The following EXOC4 variants were observed in gnomAD, a reference collection of about 807,000 sequenced individuals.
EXOC4 encodes SEC8-like 1.
A neutral mutation model predicts 107.2 loss-of-function variants in EXOC4; 71 were observed. That is an observed-to-expected ratio of 0.66 (90% CI 0.55 to 0.81). EXOC4 has a LOEUF of 0.81. Ranked by LOEUF, EXOC4 falls within the 30% of genes least tolerant of loss-of-function variation. The probability of loss-of-function intolerance (pLI) is 0.00; values close to 1 mark genes in which losing one functional copy is unlikely to be tolerated. For missense variants in EXOC4, 1,108 were observed against 1,189.6 expected (o/e 0.93, Z 1.01); for synonymous variants, 456 against 441.2 (o/e 1.03, Z -0.42).
chr7:133,762,271 A>G (rs1796047964), intron 10 of EXOC4, among the ~76,000 whole-genome samples: 1 of 152,192 alleles, frequency 6.6e-6, no homozygotes, highest in South Asian at 2.1e-4. Context: ...CAACTATATT[A>G]TATCTACAAA....
intron 10 of EXOC4, among the ~76,000 whole-genome samples, chr7:133,674,200 T>C (rs889446086): frequency 2.0e-5 from 3 of 152,138 alleles, no homozygotes; most frequent in Non-Finnish European, 4.4e-5. Flanking sequence ...TCAAAAGCTA[T>C]ACCAAAAGCA....
At chr7:133,461,294 C>A (rs984986039) in intron 7 of EXOC4, among the ~76,000 whole-genome samples, 1 of 152,146 alleles carries the variant, frequency 6.6e-6, no homozygotes, top group Non-Finnish European at 1.5e-5. Flanking sequence ...TGCTTCCAAA[C>A]CCCCTTATCT....
intron 5 of EXOC4, among the ~76,000 whole-genome samples, chr7:133,349,449 T>C (rs1007329771): frequency 7.9e-5 from 12 of 152,218 alleles, no homozygotes; most frequent in Admixed American, 6.5e-4. Flanking sequence ...TTTAGCATAA[T>C]GTACTCAAGG....
At chr7:133,486,273 T>C (rs1390910776) in intron 9 of EXOC4, among the ~76,000 whole-genome samples, 1 of 152,164 alleles carries the variant, frequency 6.6e-6, no homozygotes, top group Non-Finnish European at 1.5e-5. Flanking sequence ...GGGGGTGTCT[T>C]GCCTTAAGAA....
At chr7:133,514,210 G>C (rs530745640) in intron 9 of EXOC4, among the ~76,000 whole-genome samples, 8 of 151,826 alleles carry the variant, frequency 5.3e-5, no homozygotes, top group African/African-American at 1.7e-4. Context: ...TGTCGCCCAG[G>C]CTGGAGTGCA....
intron 9 of EXOC4, among the ~76,000 whole-genome samples, chr7:133,484,397 C>T (rs1487789160): frequency 2.0e-5 from 3 of 152,016 alleles, no homozygotes; most frequent in African/African-American, 2.4e-5. Flanking sequence ...TAGTCTCTGC[C>T]GCTTCATTGT....
At chr7:134,054,483 C>G (rs1190399467) in intron 17 of EXOC4, among the ~76,000 whole-genome samples, 1 of 152,060 alleles carries the variant, frequency 6.6e-6, no homozygotes, top group African/African-American at 2.4e-5. Context: ...GTGATTTTTC[C>G]TTTCTTGTTG....
chr7:133,535,444 T>C (rs1035216673), intron 9 of EXOC4, among the ~76,000 whole-genome samples: 8 of 152,148 alleles, frequency 5.3e-5, no homozygotes, highest in Admixed American at 5.2e-4. Context: ...AAGTTTACAA[T>C]CCTATCTGAA....
At chr7:133,525,941 T>G (rs1217823327) in intron 9 of EXOC4, among the ~76,000 whole-genome samples, 2 of 152,158 alleles carry the variant, frequency 1.3e-5, no homozygotes. Flanking sequence ...TTAAGAAGTA[T>G]TTTTCTAATG....
chr7:134,023,904 A>T (rs1208275626), intron 17 of EXOC4, among the ~76,000 whole-genome samples: 5 of 152,174 alleles, frequency 3.3e-5, no homozygotes, highest in African/African-American at 1.2e-4. Context: ...GGATTTTAGC[A>T]CAGTCCCTAA....
rs913685597 is a variant in EXOC4, at chr7:133,404,532, C to T, written c.1182+29530C>T. On this transcript the variant is annotated intron_variant, in intron 7 of 17. Transcript: ENST00000253861. ...TGGTGGGGTCCTTTCTTTCTTGCCT[C>T]CAATCTTTTGCACATATTGTACCCT... Among the ~76,000 whole-genome samples, 7 of 152,092 alleles carry T rather than the reference C, an allele frequency of 4.6e-5. No homozygotes were observed. The East Asian group carries it at 1.2e-3, about 25-fold the overall frequency.
chr7:133,800,828 T>G (rs1020998239), intron 10 of EXOC4, among the ~76,000 whole-genome samples: 1 of 152,212 alleles, frequency 6.6e-6, no homozygotes, highest in Admixed American at 6.5e-5. Context: ...CAAGCATACA[T>G]AAATTCTCAA....
At chr7:133,473,106 T>G (rs1319092661) in intron 7 of EXOC4, among the ~76,000 whole-genome samples, 1 of 152,224 alleles carries the variant, frequency 6.6e-6, no homozygotes, top group African/African-American at 2.4e-5. Flanking sequence ...TTGAAATTCT[T>G]TTCTGGTTTA....
At chr7:133,523,145 C>A (rs1800011228) in intron 9 of EXOC4, among the ~76,000 whole-genome samples, 1 of 152,072 alleles carries the variant, frequency 6.6e-6, no homozygotes, top group South Asian at 2.1e-4. Flanking sequence ...GAGACTGCCC[C>A]CTTCTAGGAT....
At chr7:133,710,794 C>CT (rs1039484624) in intron 10 of EXOC4, among the ~76,000 whole-genome samples, 10 of 148,076 alleles carry the variant, frequency 6.8e-5, no homozygotes, top group East Asian at 2.0e-4. Flanking sequence ...CTACCAATTT[C>CT]TTTTTTTTTG....
chr7:133,577,533 T>C (rs1303401538), intron 9 of EXOC4, among the ~76,000 whole-genome samples: 1 of 152,214 alleles, frequency 6.6e-6, no homozygotes, highest in Non-Finnish European at 1.5e-5. Flanking sequence ...GTTACATGTT[T>C]AAGATTACAC....
chr7:133,988,952 A>G (rs924349229), intron 14 of EXOC4, among the ~76,000 whole-genome samples: 1 of 152,162 alleles, frequency 6.6e-6, no homozygotes, highest in Non-Finnish European at 1.5e-5. Context: ...AACATAGTCA[A>G]ATTTGTGTTT....
At chr7:133,277,789 T>C (rs1387170241) in intron 2 of EXOC4, among the ~76,000 whole-genome samples, 3 of 152,206 alleles carry the variant, frequency 2.0e-5, no homozygotes, top group Non-Finnish European at 2.9e-5. Flanking sequence ...TGAAAATGAA[T>C]TTGTTTTTGA....
intron 11 of EXOC4, among the ~76,000 whole-genome samples, chr7:133,823,862 TATATATATA>T (rs1797603312): frequency 8.9e-5 from 2 of 22,394 alleles, no homozygotes; most frequent in Non-Finnish European, 1.4e-4. Flanking sequence ...TATATATATA[TATATATATA>T]TTATATATAT....
Sources: allele counts gnomAD v4.1 joint callset (sites outside exome capture counted in the v4.1 genomes callset), GRCh38; gene constraint gnomAD v4.1.1; transcripts MANE v1.5; gene names NCBI Gene and HGNC (gene_info 2026-07-23, HGNC 2026-07-21).